The following FHIT variants were observed in gnomAD, a reference collection of about 807,000 sequenced individuals.
FHIT encodes fragile histidine triad diadenosine triphosphatase.
In FHIT, 19 loss-of-function variants were observed where a neutral mutation model predicts 17.9. The observed-to-expected ratio is 1.06, with a 90% CI of 0.74 to 1.56. FHIT has a LOEUF of 1.56. Ranked by LOEUF, FHIT falls within the 40% of genes most tolerant of loss-of-function variation. The pLI is 0.00. For synonymous variants in FHIT, 81 were observed against 69.7 expected (o/e 1.16, Z -0.81); for missense variants, 248 against 189.2 (o/e 1.31, Z -1.82).
intron 4 of FHIT, among the ~76,000 whole-genome samples, chr3:60,712,388 C>T (rs2041560130): frequency 2.0e-5 from 3 of 152,032 alleles, no homozygotes; most frequent in Admixed American, 1.3e-4. Flanking sequence ...AAATAACCAG[C>T]TAACATCATA....
At chr3:60,340,553 G>A (rs1277830822) in intron 5 of FHIT, among the ~76,000 whole-genome samples, 1 of 152,160 alleles carries the variant, frequency 6.6e-6, no homozygotes, top group African/African-American at 2.4e-5. Flanking sequence ...TGGTTAGAAA[G>A]ATTAAATATA....
At chr3:59,978,521 C>T (rs1708510905) in intron 7 of FHIT, among the ~76,000 whole-genome samples, 1 of 151,524 alleles carries the variant, frequency 6.6e-6, no homozygotes. Context: ...AGTTAAACAG[C>T]CAATTAACTA....
At chr3:61,089,518 T>TAGCATGTTTTTAATGCTCATCCA (rs1245005494) in intron 2 of FHIT, among the ~76,000 whole-genome samples, 1 of 152,200 alleles carries the variant, frequency 6.6e-6, no homozygotes, top group African/African-American at 2.4e-5. Flanking sequence ...TTATTGTACT[T>TAGCATGTTTTTAATGCTCATCCA]AGCATGTTTT....
chr3:61,103,106 T>C (rs1333616082), intron 2 of FHIT, among the ~76,000 whole-genome samples: 2 of 152,216 alleles, frequency 1.3e-5, no homozygotes, highest in African/African-American at 4.8e-5. Flanking sequence ...CTTTTGAATG[T>C]GTTTGCTCTT....
chr3:60,693,725 A>G (rs2041047165), intron 4 of FHIT, among the ~76,000 whole-genome samples: 1 of 152,228 alleles, frequency 6.6e-6, no homozygotes. Flanking sequence ...TCTGTACAGC[A>G]GATAAAGGCC....
chr3:60,227,106 T>C (rs1249359131), intron 5 of FHIT, among the ~76,000 whole-genome samples: 1 of 152,158 alleles, frequency 6.6e-6, no homozygotes, highest in East Asian at 1.9e-4. Context: ...GCTTTCTTCC[T>C]GGCCTAAACC....
chr3:59,957,983 ATG>A (rs1342151205), intron 7 of FHIT, among the ~76,000 whole-genome samples: 2 of 152,188 alleles, frequency 1.3e-5, no homozygotes, highest in African/African-American at 4.8e-5. Context: ...ACACGTTTGA[ATG>A]TGTGTGTAAC....
chr3:60,821,543 T>C (rs1553739348), intron 4 of FHIT, among the ~76,000 whole-genome samples: 1 of 152,166 alleles, frequency 6.6e-6, no homozygotes, highest in African/African-American at 2.4e-5. Flanking sequence ...TTTGTAACTG[T>C]TTAACCTTAC....
intron 2 of FHIT, among the ~76,000 whole-genome samples, chr3:61,111,137 T>A (rs1178247410): frequency 6.6e-6 from 1 of 152,236 alleles, no homozygotes; most frequent in Non-Finnish European, 1.5e-5. Context: ...TCATTGGAAC[T>A]GATAGCTACC....
At chr3:60,309,338 T>A (rs1009323667) in intron 5 of FHIT, among the ~76,000 whole-genome samples, 2 of 151,962 alleles carry the variant, frequency 1.3e-5, no homozygotes, top group Non-Finnish European at 2.9e-5. Flanking sequence ...AGACCCCCAT[T>A]TCCACTTCTG....
intron 5 of FHIT, among the ~76,000 whole-genome samples, chr3:60,263,491 A>C (rs868509352): frequency 2.0e-5 from 3 of 152,056 alleles, no homozygotes; most frequent in Non-Finnish European, 4.4e-5. Flanking sequence ...TCATGCAACA[A>C]TACTACTCAG....
chr3:60,692,131 G>A (rs545219788), intron 4 of FHIT, among the ~76,000 whole-genome samples: 1 of 152,116 alleles, frequency 6.6e-6, no homozygotes, highest in African/African-American at 2.4e-5. Context: ...GTTGGGATTG[G>A]CATAGACTCA....
chr3:61,052,347 G>A (rs1332206629), intron 2 of FHIT, among the ~76,000 whole-genome samples: 2 of 152,098 alleles, frequency 1.3e-5, no homozygotes, highest in Non-Finnish European at 2.9e-5. Flanking sequence ...ATGACCTTTA[G>A]AAAGACTTGC....
intron 5 of FHIT, among the ~76,000 whole-genome samples, chr3:60,052,819 A>G (rs1404680656): frequency 6.7e-6 from 1 of 148,900 alleles, no homozygotes; most frequent in Non-Finnish European, 1.5e-5. Flanking sequence ...AGTATATATT[A>G]CACATATAAT....
intron 3 of FHIT, among the ~76,000 whole-genome samples, chr3:61,027,762 T>C (rs1380936749): frequency 6.6e-6 from 1 of 152,108 alleles, no homozygotes; most frequent in East Asian, 1.9e-4. Context: ...GATATAAGAA[T>C]TTGGCAAAAA....
intron 5 of FHIT, among the ~76,000 whole-genome samples, chr3:60,019,284 G>A (rs916757834): frequency 3.3e-5 from 5 of 152,022 alleles, no homozygotes; most frequent in Admixed American, 2.0e-4. Flanking sequence ...AAGGAGGAGT[G>A]GAAAGATGAC....
At chr3:59,766,356 G>A (rs1017477384) in intron 8 of FHIT, among the ~76,000 whole-genome samples, 1 of 152,190 alleles carries the variant, frequency 6.6e-6, no homozygotes, top group African/African-American at 2.4e-5. Flanking sequence ...CACCAAAGTT[G>A]CAACATAGTA....
chr3:59,779,566 ACAT>A (rs1367869897), intron 8 of FHIT, among the ~76,000 whole-genome samples: 1 of 152,176 alleles, frequency 6.6e-6, no homozygotes, highest in Non-Finnish European at 1.5e-5. Flanking sequence ...ATTCATGAAA[ACAT>A]CATTTTTTCA....
chr3:60,931,748 A>G (rs946456483), intron 3 of FHIT, among the ~76,000 whole-genome samples: 1 of 152,224 alleles, frequency 6.6e-6, no homozygotes, highest in Non-Finnish European at 1.5e-5. Flanking sequence ...ACAGTCCAGC[A>G]ATTTTATTAA....
Sources: gnomAD v4.1 joint callset for allele counts (sites outside exome capture counted in the v4.1 genomes callset) on GRCh38, gnomAD v4.1.1 for gene constraint, MANE v1.5 for transcripts, NCBI Gene and HGNC (gene_info 2026-07-23, HGNC 2026-07-21) for gene names.